The following ATR variants were observed in gnomAD, a reference collection of about 807,000 sequenced individuals.
The protein encoded by ATR is serine/threonine-protein kinase ATR.
A neutral mutation model predicts 305.3 loss-of-function variants in ATR; 142 were observed. The observed-to-expected ratio is 0.47, with a 90% CI of 0.41 to 0.53. The LOEUF is 0.53. Ranked by LOEUF, ATR falls within the 20% of genes least tolerant of loss-of-function variation. ATR has a pLI of 0.00. For synonymous variants in ATR, 1,050 were observed against 1,068.1 expected (o/e 0.98, Z 0.33); for missense variants, 2,135 against 3,133.1 (o/e 0.68, Z 7.60).
chr3:142,576,800 T>C (rs1315157954), intron 1 of ATR, among the ~76,000 whole-genome samples: 1 of 152,198 alleles, frequency 6.6e-6, no homozygotes, highest in Non-Finnish European at 1.5e-5. Flanking sequence ...AAAGGTCATT[T>C]AGCAAGATTA....
intron 44 of ATR, 78 bp from the exon 45 acceptor site, chr3:142,457,833 AT>A: frequency 6.5e-7 from 1 of 1,533,224 alleles, no homozygotes; most frequent in South Asian, 1.2e-5. Context: ...TCATGTCCAG[AT>A]TCTTTTAGCA....
At chr3:142,565,189 A>T (rs1382128217) in intron 3 of ATR, among the ~76,000 whole-genome samples, 2 of 152,194 alleles carry the variant, frequency 1.3e-5, no homozygotes, top group Non-Finnish European at 2.9e-5. Flanking sequence ...GCACAGTTTA[A>T]TAGCCTCTAT....
chr3:142,481,228 C>T (rs1371304802), intron 36 of ATR, among the ~76,000 whole-genome samples: 1 of 152,210 alleles, frequency 6.6e-6, no homozygotes, highest in East Asian at 1.9e-4. Flanking sequence ...CATCTTGGAA[C>T]CGCCCCTCTG....
At chr3:142,525,215 G>A (rs1300274633) in intron 21 of ATR, among the ~76,000 whole-genome samples, 1 of 151,924 alleles carries the variant, frequency 6.6e-6, no homozygotes, top group Non-Finnish European at 1.5e-5. Flanking sequence ...ATATGTACTT[G>A]GGTCTATTTC....
chr3:142,552,560 C>A (rs1436797678), intron 13 of ATR, among the ~76,000 whole-genome samples: 2 of 150,336 alleles, frequency 1.3e-5, no homozygotes, highest in South Asian at 2.1e-4. Flanking sequence ...ATACCAGTTA[C>A]TTGGGAGGCT....
intron 13 of ATR, 76 bp downstream of exon 13, chr3:142,553,151 T>C: frequency 2.0e-6 from 3 of 1,514,454 alleles, no homozygotes; most frequent in African/African-American, 1.4e-5. Context: ...ATAAAACATG[T>C]ATAAATATTC....
chr3:142,545,039 T>A (rs1338482718), intron 16 of ATR, among the ~76,000 whole-genome samples: 1 of 152,200 alleles, frequency 6.6e-6, no homozygotes, highest in Non-Finnish European at 1.5e-5. Flanking sequence ...AATATTAAAG[T>A]TCTTGCACTC....
chr3:142,536,106 A>G lies in ATR; in HGVS notation c.3819+2T>C. On this transcript the variant is annotated splice_donor_variant, in intron 20 of 46. Transcript: ENST00000350721. LOFTEE classifies it high-confidence loss of function. ...CTAAACCACAAATTAAAAATTAAAT[A>G]CCTTTCTGTATTCCTGGAGAACGGC... The G allele has an allele frequency of 1.9e-6, 3 of 1,545,548 alleles. No homozygotes were observed. The highest frequency in any genetic ancestry group is 2.7e-6 in the Non-Finnish European group (3 of 1,118,482).
intron 27 of ATR, among the ~76,000 whole-genome samples, chr3:142,508,628 A>G (rs554365485): frequency 6.6e-6 from 1 of 152,306 alleles, no homozygotes; most frequent in Admixed American, 6.5e-5. Flanking sequence ...ATTACAATAG[A>G]AATTGAAAGT....
intron 15 of ATR, among the ~76,000 whole-genome samples, chr3:142,549,166 T>C (rs1255628784): frequency 6.6e-6 from 1 of 152,198 alleles, no homozygotes; most frequent in Non-Finnish European, 1.5e-5. Context: ...CCTATGGATA[T>C]AATTAAGTGT....
intron 35 of ATR, among the ~76,000 whole-genome samples, chr3:142,488,922 A>T (rs1454280421): frequency 6.6e-6 from 1 of 152,160 alleles, no homozygotes; most frequent in East Asian, 1.9e-4. Context: ...CAATTTATTT[A>T]GTTCTTTTTT....
intron 27 of ATR, among the ~76,000 whole-genome samples, chr3:142,509,946 T>C (rs1035323973): frequency 6.6e-6 from 1 of 151,878 alleles, no homozygotes; most frequent in Non-Finnish European, 1.5e-5. Context: ...TGAAACCCTG[T>C]CTCCATTAAA....
At chr3:142,493,800 C>T (rs534318900) in intron 34 of ATR, among the ~76,000 whole-genome samples, 22 of 151,774 alleles carry the variant, frequency 1.4e-4, no homozygotes, top group South Asian at 4.2e-4. Context: ...CCCAGGAATT[C>T]GCAGTTACAG....
chr3:142,454,350 C>T (rs1179439138), intron 45 of ATR, among the ~76,000 whole-genome samples: 1 of 152,020 alleles, frequency 6.6e-6, no homozygotes, highest in Non-Finnish European at 1.5e-5. Context: ...GTAACTGTTC[C>T]ACATGATGAT....
chr3:142,560,352 AT>A lies in ATR; in HGVS notation c.1451del (p.Asn484IlefsTer7), dbSNP rs777047454. The A allele has an allele frequency of 6.2e-7, 1 of 1,613,790 alleles. No homozygotes were observed. The highest frequency in any genetic ancestry group is 1.1e-5 in the South Asian group (1 of 91,072). On this transcript the variant is annotated frameshift_variant, in exon 6 of 47. Coordinates refer to ENST00000350721, the MANE Select transcript of ATR (RefSeq NM_001184.4). LOFTEE classifies it high-confidence loss of function. ...TTCCTTCTAACATCTCAATAACAGG[AT>A]TCTTTAGGCCACTGTATTCAAGGGA... The part of the protein sequence containing the change: ...QISLEYSGLK[N>X]PVIEMLEGIA...
At position 142,568,132 on chromosome 3, in the gene ATR, T is replaced by C. The variant is rs776647351; in HGVS notation, c.82A>G (p.Thr28Ala). The stretch of plus-strand genomic sequence containing the variant: ...ATTTGTCTTGGCTTCTGTACAACTG[T>C]ATTATATTCCTCTGGTGTGGCACTA... ...LGSATPEEYN[T>A]VVQKPRQILC... Residue 28 changes from threonine to alanine, a missense_variant, in exon 2 of 47, where the codon ACA (threonine) becomes GCA (alanine). Physicochemically the swap from Thr to Ala is moderately conservative, Grantham distance 58. Around this residue, in one of 9 missense-constraint regions of ATR, gnomAD observed 744 missense variants for 873.2 expected, o/e 0.85. Transcript: ENST00000350721. The C allele has an allele frequency of 1.1e-5, 17 of 1,612,426 alleles. No homozygotes were observed. Among genetic ancestry groups the C allele is most frequent in the Non-Finnish European group, 1.1e-5 (13 of 1,178,682 alleles).
intron 36 of ATR, among the ~76,000 whole-genome samples, chr3:142,475,192 C>T (rs552867348): frequency 2.4e-4 from 36 of 152,268 alleles, no homozygotes; most frequent in African/African-American, 8.2e-4. Context: ...TGGTGTGCTG[C>T]ACCCATTAAC....
At chr3:142,477,298 T>A (rs2029925832) in intron 36 of ATR, among the ~76,000 whole-genome samples, 1 of 152,230 alleles carries the variant, frequency 6.6e-6, no homozygotes, top group Admixed American at 6.5e-5. Flanking sequence ...GTTTTTAGCA[T>A]GAAGGGCTGT....
At chr3:142,519,104 G>A (rs1385374944) in intron 24 of ATR, among the ~76,000 whole-genome samples, 1 of 151,750 alleles carries the variant, frequency 6.6e-6, no homozygotes, top group African/African-American at 2.4e-5. Context: ...ATTTACTACC[G>A]ACCATTGAAC....
Sources: gnomAD v4.1 joint callset for allele counts (sites outside exome capture counted in the v4.1 genomes callset) on GRCh38, gnomAD v4.1.1 for gene constraint, gnomAD v4.1.1 regional missense constraint, MANE v1.5 for transcripts, NCBI Gene and HGNC (gene_info 2026-07-23, HGNC 2026-07-21) for gene names.